Variants in DSCAM observed in about 807,000 individuals in gnomAD.
The protein encoded by DSCAM is cell adhesion molecule DSCAM.
A neutral mutation model predicts 217.7 loss-of-function variants in DSCAM; 47 were observed. That is an observed-to-expected ratio of 0.22 (90% CI 0.17 to 0.28). DSCAM has a LOEUF of 0.28. Among genes scored for constraint, DSCAM ranks in the 10% least tolerant of loss-of-function variants. DSCAM has a pLI of 1.00. For missense variants in DSCAM, 2,080 were observed against 2,618.3 expected (o/e 0.79, Z 4.49); for synonymous variants, 1,056 against 1,015.3 (o/e 1.04, Z -0.76).
chr21:40,123,242 T>G (rs1345768862), intron 20 of DSCAM, among the ~76,000 whole-genome samples: 2 of 152,172 alleles, frequency 1.3e-5, no homozygotes, highest in Non-Finnish European at 2.9e-5. Context: ...CGTGAAGGTA[T>G]GTAATACTGA....
chr21:40,554,877 T>C (rs909677883), intron 3 of DSCAM, among the ~76,000 whole-genome samples: 14 of 152,342 alleles, frequency 9.2e-5, no homozygotes, highest in Admixed American at 5.9e-4. Flanking sequence ...ACACATGGTA[T>C]TGAAATTGTT....
chr21:40,390,004 C>T (rs1220421779), intron 3 of DSCAM, among the ~76,000 whole-genome samples: 1 of 152,216 alleles, frequency 6.6e-6, no homozygotes, highest in Non-Finnish European at 1.5e-5. Flanking sequence ...GTCACCTGCT[C>T]ATCCTGTGTC....
chr21:40,485,623 T>C (rs2076021675), intron 3 of DSCAM, among the ~76,000 whole-genome samples: 1 of 152,122 alleles, frequency 6.6e-6, no homozygotes, highest in Non-Finnish European at 1.5e-5. Flanking sequence ...CAATAACAAA[T>C]AAATAAATAA....
At chr21:40,464,274 T>C (rs1290680523) in intron 3 of DSCAM, among the ~76,000 whole-genome samples, 2 of 152,188 alleles carry the variant, frequency 1.3e-5, no homozygotes, top group East Asian at 3.9e-4. Flanking sequence ...TGGACCTTCC[T>C]TTCAATGCAG....
intron 3 of DSCAM, among the ~76,000 whole-genome samples, chr21:40,460,259 G>A (rs1192533798): frequency 6.6e-6 from 1 of 151,898 alleles, no homozygotes; most frequent in African/African-American, 2.4e-5. Flanking sequence ...TGCACATCCT[G>A]CACAGGTACC....
At chr21:40,845,293 C>A (rs1347244281) in intron 1 of DSCAM, among the ~76,000 whole-genome samples, 1 of 152,194 alleles carries the variant, frequency 6.6e-6, no homozygotes, top group East Asian at 1.9e-4. Flanking sequence ...CTTCTTTCAA[C>A]TCTACCTTTT....
intron 20 of DSCAM, among the ~76,000 whole-genome samples, chr21:40,119,865 A>G (rs1362653512): frequency 2.6e-5 from 4 of 152,100 alleles, no homozygotes; most frequent in Non-Finnish European, 5.9e-5. Context: ...GATACAGATG[A>G]GCACGTTAGA....
intron 5 of DSCAM, among the ~76,000 whole-genome samples, chr21:40,349,782 C>T (rs968353383): frequency 6.6e-6 from 1 of 152,058 alleles, no homozygotes; most frequent in Non-Finnish European, 1.5e-5. Context: ...TCAGAAAGTG[C>T]TGAGCAGAGA....
intron 9 of DSCAM, among the ~76,000 whole-genome samples, chr21:40,307,579 C>G (rs1001232626): frequency 2.0e-5 from 3 of 152,162 alleles, no homozygotes; most frequent in Admixed American, 1.3e-4. Context: ...CATCCCATTA[C>G]TGGGTATATA....
In DSCAM at chr21:40,617,119, CTTTT is replaced by C. The variant is rs1178735630; in HGVS notation, c.508+75687_508+75690del. Among the ~76,000 whole-genome samples, 463 of 112,660 alleles carry C rather than the reference CTTTT, an allele frequency of 4.1e-3. 5 individuals carry two copies. The highest frequency in any genetic ancestry group is 0.016 in the African/African-American group (434 of 27,496). The allele number at this position is 112,660 out of a possible 152,430, so 73.9% of individuals were successfully genotyped here. ...AACAAAGGCCAGGCACAGAACCAGT[CTTTT>C]TTTTTTTTTTTTTTTTTTAAGACGG... On this transcript the variant is annotated intron_variant, in intron 3 of 32. Transcript: ENST00000400454.
At chr21:40,189,364 C>A (rs1279460173) in intron 11 of DSCAM, 126 bp from the exon 12 acceptor site, 5 of 823,882 alleles carry the variant, frequency 6.1e-6, no homozygotes, top group East Asian at 3.0e-5. Context: ...CAAGAAACTG[C>A]TGCATGAGAA....
At chr21:40,768,691 G>T (rs963917533) in intron 1 of DSCAM, among the ~76,000 whole-genome samples, 3 of 152,202 alleles carry the variant, frequency 2.0e-5, no homozygotes, top group African/African-American at 4.8e-5. Context: ...GTTGTAAGGA[G>T]CACCTCTGCA....
rs550240761 is a variant in DSCAM at position 40,424,050 on chromosome 21, C to T, written c.509-54805G>A. On this transcript the variant is annotated intron_variant, in intron 3 of 32. Coordinates refer to ENST00000400454, the MANE Select transcript of DSCAM (RefSeq NM_001389.5). ...AATATAAAAATATGATTTCTAAAAACAGGAAGGTAAAATTTGAATTGTCCT... is the reference window on the plus strand; with the variant it reads ...AATATAAAAATATGATTTCTAAAAATAGGAAGGTAAAATTTGAATTGTCCT... Among the ~76,000 whole-genome samples the T allele has an allele frequency of 5.9e-5, 9 of 152,126 alleles. No homozygotes were observed. In the East Asian group the frequency reaches 1.7e-3, roughly 29 times the overall value.
chr21:40,834,680 G>A (rs927477210), intron 1 of DSCAM, among the ~76,000 whole-genome samples: 8 of 152,044 alleles, frequency 5.3e-5, no homozygotes, highest in Non-Finnish European at 1.2e-4. Flanking sequence ...CTAGACTTCA[G>A]TGTGCCCTGA....
intron 3 of DSCAM, among the ~76,000 whole-genome samples, chr21:40,575,402 C>A (rs575960355): frequency 6.6e-6 from 1 of 151,578 alleles, no homozygotes; most frequent in Non-Finnish European, 1.5e-5. Flanking sequence ...CACACGGACG[C>A]GAATGAAACA....
At chr21:40,746,046 A>G (rs1181954773) in intron 1 of DSCAM, among the ~76,000 whole-genome samples, 1 of 151,992 alleles carries the variant, frequency 6.6e-6, no homozygotes, top group Non-Finnish European at 1.5e-5. Flanking sequence ...GCAAAAACTT[A>G]TAATAGATAC....
intron 32 of DSCAM, among the ~76,000 whole-genome samples, chr21:40,014,472 A>G (rs772760434): frequency 3.9e-5 from 6 of 152,208 alleles, no homozygotes; most frequent in Non-Finnish European, 8.8e-5. Flanking sequence ...GAAGGGAGGC[A>G]TGTGTTCTCT....
intron 1 of DSCAM, among the ~76,000 whole-genome samples, chr21:40,710,749 A>G (rs974750195): frequency 1.3e-5 from 2 of 152,256 alleles, no homozygotes; most frequent in Non-Finnish European, 1.5e-5. Flanking sequence ...ATTTATAAAT[A>G]TAATGAAGGC....
chr21:40,440,136 T>C (rs1051470145), intron 3 of DSCAM, among the ~76,000 whole-genome samples: 1 of 152,248 alleles, frequency 6.6e-6, no homozygotes, highest in African/African-American at 2.4e-5. Context: ...CATGGTGAGA[T>C]AGCATTTGGG....
Sources: allele counts gnomAD v4.1 joint callset (sites outside exome capture counted in the v4.1 genomes callset), GRCh38; gene constraint gnomAD v4.1.1; transcripts MANE v1.5; gene names NCBI Gene and HGNC (gene_info 2026-07-23, HGNC 2026-07-21).